Variants in NUGGC observed in about 807,000 individuals in gnomAD.
NUGGC encodes the protein nuclear GTPase SLIP-GC.
A neutral mutation model predicts 92.6 loss-of-function variants in NUGGC; 58 were observed. That is an observed-to-expected ratio of 0.63 (90% CI 0.51 to 0.78). The LOEUF is 0.78. NUGGC is among the 30% of genes least tolerant of loss of function. The probability of loss-of-function intolerance (pLI) is 0.00; values close to 1 mark genes in which losing one functional copy is unlikely to be tolerated. For missense variants in NUGGC, 925 were observed against 964.6 expected, an observed-to-expected ratio of 0.96 and a Z score of 0.54; for synonymous variants, 376 against 366.4, an observed-to-expected ratio of 1.03 and a Z score of -0.30.
intron 1 of NUGGC, among the ~76,000 whole-genome samples, chr8:28,083,519 G>A (rs1008330535): frequency 7.9e-5 from 12 of 152,234 alleles, no homozygotes; most frequent in African/African-American, 2.6e-4. Context: ...GAAAGCAGAC[G>A]TTAGATAAAA....
Position 28,041,209 on chromosome 8 carries a change from G to T in NUGGC, c.1453C>A (p.His485Asn). 3 of 1,609,728 alleles carry T rather than the reference G, an allele frequency of 1.9e-6. No homozygotes were observed. The highest frequency in any genetic ancestry group is 2.5e-6 in the Non-Finnish European group (3 of 1,178,278). Reference protein sequence around the residue: ...FNSTQNLPNEHLHMSVLRRFA... With the variant: ...FNSTQNLPNENLHMSVLRRFA... ...CTCCGCAGGACACTCATGTGCAAGT[G>T]TTCATTCTAGGGACAAGGACCATAA... The change falls in exon 13 of 19, where the codon CAC becomes AAC. Residue 485 changes from histidine to asparagine, a missense_variant. His to Asn is a moderately conservative substitution (Grantham distance 68). Transcript: ENST00000413272.
intron 2 of NUGGC, 42 bp from the exon 3 acceptor site, chr8:28,070,398 G>T: frequency 6.3e-6 from 7 of 1,109,734 alleles, no homozygotes; most frequent in South Asian, 1.4e-5. Flanking sequence ...AGGTGTTGGG[G>T]TATGGTATTC....
At chr8:28,069,055 C>T (rs753093483) in intron 4 of NUGGC, among the ~76,000 whole-genome samples, 5 of 152,176 alleles carry the variant, frequency 3.3e-5, no homozygotes, top group Non-Finnish European at 5.9e-5. Context: ...CCTAGAAATA[C>T]AATGTATACA....
chr8:28,052,821 C>A (rs1231479234), intron 10 of NUGGC, among the ~76,000 whole-genome samples: 1 of 152,056 alleles, frequency 6.6e-6, no homozygotes, highest in Admixed American at 6.6e-5. Context: ...TTTAATATGT[C>A]TTTTAAAAGA....
chr8:28,031,846 T>C (rs529985927), intron 14 of NUGGC, among the ~76,000 whole-genome samples: 6 of 152,192 alleles, frequency 3.9e-5, no homozygotes, highest in East Asian at 1.9e-4. Context: ...ATCCCAGAAA[T>C]AGGAAGTGAG....
chr8:28,033,569 C>G lies in NUGGC; in HGVS notation c.1740G>C (p.Gln580His). Residue 580 changes from glutamine to histidine, a missense_variant, in exon 14 of 19, where the codon CAG becomes CAC. Physicochemically the swap from Gln to His is conservative, Grantham distance 24. Coordinates refer to ENST00000413272, the MANE Select transcript of NUGGC (RefSeq NM_001010906.2). Reference sequence around the variant, plus strand: ...AAATGCTTCCAAAAACAGGGTCGATCTGGTCATAGACGGGCTGAGTGAGGG... The same window carrying G: ...AAATGCTTCCAAAAACAGGGTCGATGTGGTCATAGACGGGCTGAGTGAGGG... ...NEALTQPVYD[Q>H]IDPVFGSIFR... is the part of the protein sequence containing the mutation. The G allele has an allele frequency of 1.2e-6, 2 of 1,613,760 alleles. No individual in the cohort carries two copies. Among genetic ancestry groups the G allele is most frequent in the Non-Finnish European group, 1.7e-6 (2 of 1,179,826 alleles).
chr8:28,052,959 G>A (rs1300269228), intron 10 of NUGGC, among the ~76,000 whole-genome samples: 3 of 152,144 alleles, frequency 2.0e-5, no homozygotes, highest in Admixed American at 2.0e-4. Context: ...AGTAATTCCA[G>A]ATTTTTTTGC....
Position 28,041,046 on chromosome 8 carries a change from C to G in NUGGC, c.1611+5G>C. The G allele has an allele frequency of 6.3e-7, 1 of 1,596,712 alleles. No homozygotes were observed. Among genetic ancestry groups the G allele is most frequent in the Non-Finnish European group, 8.5e-7 (1 of 1,171,138 alleles). On this transcript the variant is annotated splice_donor_5th_base_variant and intron_variant, in intron 13 of 18. Coordinates refer to ENST00000413272, the MANE Select transcript of NUGGC (RefSeq NM_001010906.2). Reference sequence around the variant, plus strand: ...ATCTGAGTTTTCCCTGGAAGGGTCACTCACCACCAAGCATGCTCTGAGGAT... The same window carrying G: ...ATCTGAGTTTTCCCTGGAAGGGTCAGTCACCACCAAGCATGCTCTGAGGAT...
chr8:28,047,945 C>A (rs553386364), intron 10 of NUGGC, among the ~76,000 whole-genome samples: 1 of 152,174 alleles, frequency 6.6e-6, no homozygotes, highest in Non-Finnish European at 1.5e-5. Flanking sequence ...AAAAAAGAAA[C>A]ACATGTCTGG....
intron 10 of NUGGC, among the ~76,000 whole-genome samples, chr8:28,053,376 G>T (rs1810053979): frequency 6.6e-6 from 1 of 152,036 alleles, no homozygotes; most frequent in Non-Finnish European, 1.5e-5. Context: ...GTGGTCAGGG[G>T]GTGCGGAGTG....
At chr8:28,032,484 G>A (rs889272219) in intron 14 of NUGGC, among the ~76,000 whole-genome samples, 7 of 152,056 alleles carry the variant, frequency 4.6e-5, no homozygotes, top group Non-Finnish European at 7.4e-5. Flanking sequence ...TTGGGAGGCC[G>A]AGGCGGGCAG....
chr8:28,039,382 C>T (rs73570983), intron 13 of NUGGC, among the ~76,000 whole-genome samples: 1,770 of 152,158 alleles, frequency 0.012, 43 homozygotes, highest in African/African-American at 0.04. Context: ...ACAGGTGTCA[C>T]CACCACACCC....
rs372524017 is a variant in NUGGC at position 28,060,531 on chromosome 8, T to C, written c.992A>G (p.Glu331Gly). 1.4e-5 allele frequency: 23 copies of C among 1,613,750 alleles called. No individual in the cohort carries two copies. The highest frequency in any genetic ancestry group is 1.8e-5 in the Non-Finnish European group (21 of 1,179,840). ...TTTGATGCTCTCATTCAGAAGGTCT[T>C]CGTGGGCTTGCCCCCCAGAAACTCG... is the stretch of plus-strand genomic sequence containing the variant. The part of the protein sequence containing the change: ...IERVSGGQAH[E>G]DLLNESIKAC... Residue 331 changes from glutamate to glycine, a missense_variant, in exon 8 of 19, where the codon GAA becomes GGA. Coordinates refer to ENST00000413272, the MANE Select transcript of NUGGC (RefSeq NM_001010906.2).
chr8:28,065,837 C>A (rs933506463), intron 6 of NUGGC, among the ~76,000 whole-genome samples: 3 of 152,154 alleles, frequency 2.0e-5, no homozygotes, highest in Non-Finnish European at 2.9e-5. Flanking sequence ...AAATGATAAA[C>A]CACGACGGAG....
chr8:28,061,695 C>T (rs1048894778), intron 7 of NUGGC, among the ~76,000 whole-genome samples: 2 of 152,156 alleles, frequency 1.3e-5, no homozygotes, highest in African/African-American at 2.4e-5. Context: ...TTCCAGCTTA[C>T]AGTGGGCTTA....
chr8:28,034,241 T>C (rs1040861842), intron 13 of NUGGC, among the ~76,000 whole-genome samples: 3 of 152,248 alleles, frequency 2.0e-5, no homozygotes, highest in Admixed American at 2.0e-4. Flanking sequence ...GTCTTGGCGA[T>C]GTTTTTTTCC....
Position 28,033,972 on chromosome 8 carries a change from G to A in NUGGC, c.1612-275C>T, listed in dbSNP as rs7016072. Among the ~76,000 whole-genome samples the A allele has an allele frequency of 7.7e-3, 1,165 of 152,270 alleles. 19 individuals are homozygous for A. The highest frequency in any genetic ancestry group is 0.027 in the African/African-American group (1,138 of 41,542). Reference sequence around the variant, plus strand: ...TCTGTGTTAGTTTACTCATTTGTCCGGCTCCTGTACTCAGCCATTAGCTCA... The same window carrying A: ...TCTGTGTTAGTTTACTCATTTGTCCAGCTCCTGTACTCAGCCATTAGCTCA... On this transcript the variant is annotated intron_variant, in intron 13 of 18. Coordinates refer to ENST00000413272, the MANE Select transcript of NUGGC (RefSeq NM_001010906.2).
At chr8:28,058,489 G>T (rs78495527) in intron 8 of NUGGC, among the ~76,000 whole-genome samples, 1 of 152,188 alleles carries the variant, frequency 6.6e-6, no homozygotes, top group Non-Finnish European at 1.5e-5. Flanking sequence ...CGTTTTGTCA[G>T]CTGTGAACAT....
In NUGGC at chr8:28,074,441, G is replaced by C; in HGVS notation, c.-31C>G. ...GTTACGTGAACTCCTGCTCTTCTCAGTTCAGGAGAACCAGCCTGTGAAGAC... is the reference window on the plus strand; with the variant it reads ...GTTACGTGAACTCCTGCTCTTCTCACTTCAGGAGAACCAGCCTGTGAAGAC... On this transcript the variant is annotated 5_prime_UTR_variant, in exon 2 of 19. Transcript: ENST00000413272. 1 of 1,612,578 alleles carries C rather than the reference G, an allele frequency of 6.2e-7. No individual in the cohort carries two copies. The highest frequency in any genetic ancestry group is 8.5e-7 in the Non-Finnish European group (1 of 1,179,170).
Sources: gnomAD v4.1 joint callset for allele counts (sites outside exome capture counted in the v4.1 genomes callset) on GRCh38, gnomAD v4.1.1 for gene constraint, MANE v1.5 for transcripts, NCBI Gene and HGNC (gene_info 2026-07-23, HGNC 2026-07-21) for gene names.